HMGXB4: variants seen among roughly 807,000 people sequenced by gnomAD.
HMGXB4 encodes HMG-box containing 4.
A neutral mutation model predicts 63.9 loss-of-function variants in HMGXB4; 27 were observed. That is an observed-to-expected ratio of 0.42 (90% CI 0.31 to 0.58). The LOEUF is 0.58. HMGXB4 is among the 20% of genes least tolerant of loss of function. The pLI is 0.13. For synonymous variants in HMGXB4, 264 were observed against 265.3 expected, an observed-to-expected ratio of 0.99 and a Z score of 0.05; for missense variants, 624 against 700.7, an observed-to-expected ratio of 0.89 and a Z score of 1.24.
In HMGXB4 at chr22:35,287,442, G is replaced by C; in HGVS notation, c.1458G>C (p.Met486Ile). 6.2e-7 allele frequency: 1 copy of C among 1,611,558 alleles called. No homozygotes were observed. The highest frequency in any genetic ancestry group is 8.5e-7 in the Non-Finnish European group (1 of 1,178,030). Reference protein sequence around the residue: ...KRKASSSEGSMKVKASSVGVL... With the variant: ...KRKASSSEGSIKVKASSVGVL... ...AAGCATCCAGCTCAGAAGGTTCCATGAAAGTCAAAGGTAGTGACCACATCC... is the reference window on the plus strand; with the variant it reads ...AAGCATCCAGCTCAGAAGGTTCCATCAAAGTCAAAGGTAGTGACCACATCC... Residue 486 changes from methionine (M) to isoleucine (I), a missense_variant, in exon 8 of 11, where the codon ATG (methionine) becomes ATC (isoleucine). Met to Ile is a conservative substitution (Grantham distance 10, BLOSUM62 1). Around this residue, in one of 2 missense-constraint regions of HMGXB4, gnomAD observed 152 missense variants for 230.1 expected, o/e 0.66. Coordinates refer to ENST00000216106, the MANE Select transcript of HMGXB4 (RefSeq NM_001003681.3).
intron 5 of HMGXB4, among the ~76,000 whole-genome samples, chr22:35,279,807 A>T (rs1325597803): frequency 6.0e-5 from 9 of 149,018 alleles, no homozygotes; most frequent in Non-Finnish European, 1.3e-4. Flanking sequence ...TTATTTAGGT[A>T]GATTTGTTTC....
At chr22:35,250,214 G>A in the HMGXB4 span, among the ~76,000 whole-genome samples, 1 of 152,142 alleles carries the variant, frequency 6.6e-6, no homozygotes, top group African/African-American at 2.4e-5. Flanking sequence ...CATTTGCATT[G>A]TATAAAGGAA....
intron 5 of HMGXB4, among the ~76,000 whole-genome samples, chr22:35,276,066 A>G (rs933758921): frequency 2.6e-5 from 4 of 152,184 alleles, no homozygotes; most frequent in African/African-American, 9.6e-5. Context: ...CTCTATTTGT[A>G]TATTTTTAAT....
chr22:35,278,964 T>C (rs971375231), intron 5 of HMGXB4, among the ~76,000 whole-genome samples: 2 of 151,556 alleles, frequency 1.3e-5, no homozygotes, highest in Non-Finnish European at 2.9e-5. Flanking sequence ...AGGGAAACAG[T>C]TGAATCCAGG....
In HMGXB4 at chr22:35,265,473, C is replaced by G. The variant is rs761752000; in HGVS notation, c.1085C>G (p.Pro362Arg). 6.2e-6 allele frequency: 10 copies of G among 1,614,032 alleles called. No homozygotes were observed. The South Asian group carries it at 1.1e-4, about 18-fold the overall frequency. The change falls in exon 5 of 11, where the codon CCT (proline) becomes CGT (arginine). Residue 362 changes from proline (P) to arginine (R), a missense_variant. Transcript: ENST00000216106. ...PVGEVTVTSGPPPSIPYAGAA... is the reference protein window; with the variant it reads ...PVGEVTVTSGRPPSIPYAGAA... ...GGAGAGGTCACAGTGACATCTGGCC[C>G]TCCTCCCAGCATCCCATACGCTGGA...
chr22:35,291,204 G>C (rs1027241017), intron 9 of HMGXB4, among the ~76,000 whole-genome samples: 1 of 151,968 alleles, frequency 6.6e-6, no homozygotes, highest in African/African-American at 2.4e-5. Flanking sequence ...GGAGGTTGCA[G>C]TGAGCCGAGA....
At chr22:35,262,289 C>A in intron 1 of HMGXB4, 34 bp from the exon 2 acceptor site, 1 of 1,196,854 alleles carries the variant, frequency 8.4e-7, no homozygotes, top group Non-Finnish European at 1.2e-6. Flanking sequence ...AGTGATTTCG[C>A]ATTACAGGAG....
upstream of HMGXB4, among the ~76,000 whole-genome samples, chr22:35,257,054 A>C (rs1343610464): frequency 1.3e-5 from 2 of 152,266 alleles, no homozygotes; most frequent in African/African-American, 2.4e-5. Context: ...CTGAAGTCCA[A>C]ATAAGCACAC....
intron 5 of HMGXB4, among the ~76,000 whole-genome samples, chr22:35,272,904 A>T (rs62233269): frequency 6.6e-6 from 1 of 152,262 alleles, no homozygotes; most frequent in Non-Finnish European, 1.5e-5. Context: ...ACTGCCCTCC[A>T]GCCTGGGCAA....
chr22:35,285,961 C>T (rs368434405), intron 6 of HMGXB4, 36 bp from the exon 7 acceptor site: 1 of 1,488,724 alleles, frequency 6.7e-7, no homozygotes. Flanking sequence ...ATAGCTAACC[C>T]TTTACTGTAT....
chr22:35,250,558 C>T, the HMGXB4 span, among the ~76,000 whole-genome samples: 4 of 152,286 alleles, frequency 2.6e-5, no homozygotes, highest in African/African-American at 9.6e-5. Context: ...CCCACTAGGT[C>T]CACCTCCAAC....
intron 5 of HMGXB4, among the ~76,000 whole-genome samples, chr22:35,282,487 G>C (rs1457475523): frequency 6.6e-6 from 1 of 152,070 alleles, no homozygotes; most frequent in Non-Finnish European, 1.5e-5. Context: ...AATAACTGTA[G>C]GGCCAAAAAG....
chr22:35,248,010 A>G, the HMGXB4 span, among the ~76,000 whole-genome samples: 1 of 152,302 alleles, frequency 6.6e-6, no homozygotes, highest in Non-Finnish European at 1.5e-5. Context: ...GATACATGGT[A>G]TGGCCTATTG....
chr22:35,243,239 G>T, the HMGXB4 span, among the ~76,000 whole-genome samples: 10,712 of 152,024 alleles, frequency 0.07, 535 homozygotes, highest in African/African-American at 0.14. Context: ...GTGTGGTGGC[G>T]CACACCAGTA....
chr22:35,252,085 C>T, the HMGXB4 span, among the ~76,000 whole-genome samples: 1 of 152,010 alleles, frequency 6.6e-6, no homozygotes, highest in Non-Finnish European at 1.5e-5. Flanking sequence ...TGTGGTGGTG[C>T]GTGCCTGTAA....
At chr22:35,292,473 A>G (rs1419438291) in intron 9 of HMGXB4, among the ~76,000 whole-genome samples, 2 of 152,238 alleles carry the variant, frequency 1.3e-5, no homozygotes, top group Non-Finnish European at 2.9e-5. Context: ...TGAATCACAA[A>G]TAGACAATAT....
intron 9 of HMGXB4, 61 bp from the exon 10 acceptor site, chr22:35,292,931 A>G: frequency 6.2e-7 from 1 of 1,607,012 alleles, no homozygotes; most frequent in Non-Finnish European, 8.5e-7. Flanking sequence ...CTGTGTGAGG[A>G]AGTCAGCCGG....
intron 5 of HMGXB4, among the ~76,000 whole-genome samples, chr22:35,268,452 C>T (rs1488123299): frequency 1.3e-5 from 2 of 149,690 alleles, no homozygotes; most frequent in Non-Finnish European, 3.0e-5. Flanking sequence ...TAATAAGTAG[C>T]TTTTTTTTTT....
chr22:35,288,207 T>G, intron 8 of HMGXB4, 31 bp from the exon 9 acceptor site: 1 of 1,416,974 alleles, frequency 7.1e-7, no homozygotes. Context: ...TAGGCAAGTT[T>G]TACCTGTCTG....
Sources: allele counts gnomAD v4.1 joint callset (sites outside exome capture counted in the v4.1 genomes callset), GRCh38; gene constraint gnomAD v4.1.1; regional missense constraint gnomAD v4.1.1; transcripts MANE v1.5; gene names NCBI Gene and HGNC (gene_info 2026-07-23, HGNC 2026-07-21).